Variants in RIMS2 observed in about 807,000 individuals in gnomAD.
The protein encoded by RIMS2 is regulating synaptic membrane exocytosis protein 2.
In RIMS2, 59 loss-of-function variants were observed where a neutral mutation model predicts 174.4. That is an observed-to-expected ratio of 0.34 (90% CI 0.27 to 0.42). The LOEUF (loss-of-function observed/expected upper bound fraction) is 0.42. RIMS2 is among the 10% of genes least tolerant of loss of function. The pLI is 1.00. For missense variants in RIMS2, 1,620 were observed against 1,666.3 expected (o/e 0.97, Z 0.48); for synonymous variants, 606 against 572.5 (o/e 1.06, Z -0.84).
intron 19 of RIMS2, among the ~76,000 whole-genome samples, chr8:104,158,907 C>A (rs1191022237): frequency 6.6e-6 from 1 of 152,126 alleles, no homozygotes; most frequent in African/African-American, 2.4e-5. Context: ...TAATTAGATT[C>A]CATTTGTCTA....
At chr8:103,755,226 A>G (rs201164730) in intron 2 of RIMS2, among the ~76,000 whole-genome samples, 1 of 152,054 alleles carries the variant, frequency 6.6e-6, no homozygotes, top group African/African-American at 2.4e-5. Flanking sequence ...GGGTTGGAGA[A>G]TCTTTTCTTT....
intron 19 of RIMS2, among the ~76,000 whole-genome samples, chr8:104,219,614 A>AT (rs2099146219): frequency 6.6e-6 from 1 of 152,152 alleles, no homozygotes; most frequent in African/African-American, 2.4e-5. Flanking sequence ...CAAAAAGGTG[A>AT]TTTTTATGTT....
intron 2 of RIMS2, among the ~76,000 whole-genome samples, chr8:103,755,811 A>G (rs562184027): frequency 1.3e-5 from 2 of 152,158 alleles, no homozygotes; most frequent in East Asian, 1.9e-4. Flanking sequence ...TGATTATTCT[A>G]TTTAGCAATT....
intron 1 of RIMS2, among the ~76,000 whole-genome samples, chr8:103,613,260 A>G (rs1460519431): frequency 6.6e-6 from 1 of 151,748 alleles, no homozygotes; most frequent in Non-Finnish European, 1.5e-5. Context: ...ACCACAATAT[A>G]AAGTCCTTTT....
intron 3 of RIMS2, among the ~76,000 whole-genome samples, chr8:103,854,526 T>G (rs2099016444): frequency 6.6e-6 from 1 of 151,742 alleles, no homozygotes; most frequent in South Asian, 2.1e-4. Context: ...TTTTGAGACA[T>G]GTTGTTTTGT....
At chr8:103,846,602 G>T (rs371498187) in intron 3 of RIMS2, among the ~76,000 whole-genome samples, 3 of 152,120 alleles carry the variant, frequency 2.0e-5, no homozygotes, top group Non-Finnish European at 2.9e-5. Context: ...GCAGCTGGAA[G>T]ATGAGTGCAC....
At chr8:103,989,369 C>A in exon 17 of RIMS2, 3 of 1,613,374 alleles carry the variant, frequency 1.9e-6, no homozygotes, top group Non-Finnish European at 1.7e-6. Flanking sequence ...TACAATTAGC[C>A]GAATGGACAG....
chr8:103,693,064 G>C (rs1458460106), intron 1 of RIMS2, among the ~76,000 whole-genome samples: 1 of 152,172 alleles, frequency 6.6e-6, no homozygotes. Context: ...TCCTACTGCT[G>C]TGATGGGCAA....
chr8:103,899,860 A>G (rs527390031), intron 4 of RIMS2, among the ~76,000 whole-genome samples: 4,843 of 151,732 alleles, frequency 0.032, 352 homozygotes, highest in African/African-American at 0.11. Flanking sequence ...TAGGTCTAAC[A>G]TTTAAGTCTT....
chr8:103,742,694 A>G (rs1311577808), intron 2 of RIMS2, among the ~76,000 whole-genome samples: 2 of 152,092 alleles, frequency 1.3e-5, no homozygotes, highest in Admixed American at 6.6e-5. Flanking sequence ...TAATGTGAAT[A>G]GTTTTCTTTA....
chr8:103,881,764 G>C (rs976507733), intron 3 of RIMS2, among the ~76,000 whole-genome samples: 6 of 151,624 alleles, frequency 4.0e-5, no homozygotes, highest in Non-Finnish European at 5.9e-5. Context: ...TGTTTAAAAT[G>C]TGGTTTTCTA....
chr8:103,655,918 G>T (rs2096525793), intron 1 of RIMS2, among the ~76,000 whole-genome samples: 1 of 152,092 alleles, frequency 6.6e-6, no homozygotes. Context: ...GGAGTGACAT[G>T]ATTTACTTTA....
At chr8:103,516,652 C>T (rs535780063) in intron 1 of RIMS2, among the ~76,000 whole-genome samples, 1 of 152,098 alleles carries the variant, frequency 6.6e-6, no homozygotes, top group East Asian at 1.9e-4. Flanking sequence ...GCTATTGTTG[C>T]AATGTAGTAT....
At chr8:103,909,185 T>C (rs1223846495) in intron 4 of RIMS2, among the ~76,000 whole-genome samples, 3 of 152,120 alleles carry the variant, frequency 2.0e-5, no homozygotes, top group Non-Finnish European at 4.4e-5. Context: ...TATTTCATTG[T>C]TTTACCCTTT....
At chr8:103,709,714 ATG>A (rs2097280836) in intron 2 of RIMS2, among the ~76,000 whole-genome samples, 1 of 151,384 alleles carries the variant, frequency 6.6e-6, no homozygotes. Flanking sequence ...TTTTTCTCAT[ATG>A]TATGTTCACC....
intron 13 of RIMS2, among the ~76,000 whole-genome samples, chr8:103,940,223 T>A (rs2082215677): frequency 6.6e-6 from 1 of 152,114 alleles, no homozygotes. Context: ...TCCACATGAC[T>A]GGGGAGGCCT....
chr8:103,687,418 CA>C (rs2096955596), intron 1 of RIMS2, among the ~76,000 whole-genome samples: 1 of 151,216 alleles, frequency 6.6e-6, no homozygotes, highest in Admixed American at 6.6e-5. Context: ...TTCAAATTAA[CA>C]AAAATTGTGT....
chr8:104,109,197 C>T (rs1014828386), intron 19 of RIMS2, among the ~76,000 whole-genome samples: 4 of 148,744 alleles, frequency 2.7e-5, no homozygotes, highest in Admixed American at 1.4e-4. Context: ...CTCCGGAGGC[C>T]GAGGCAGGAG....
At chr8:103,940,808 G>A (rs776113263) in intron 13 of RIMS2, among the ~76,000 whole-genome samples, 8 of 151,432 alleles carry the variant, frequency 5.3e-5, no homozygotes, top group Admixed American at 2.0e-4. Context: ...CCCGGGAGGC[G>A]GAGCTTGCAG....
Sources: allele counts gnomAD v4.1 joint callset (sites outside exome capture counted in the v4.1 genomes callset), GRCh38; gene constraint gnomAD v4.1.1; transcripts MANE v1.5; gene names NCBI Gene and HGNC (gene_info 2026-07-23, HGNC 2026-07-21).